CPLANE1: variants seen among roughly 807,000 people sequenced by gnomAD.
The protein encoded by CPLANE1 is ciliogenesis and planar polarity effector 1.
In CPLANE1, 263 loss-of-function variants were observed where a neutral mutation model predicts 362.5. That is an observed-to-expected ratio of 0.73 (90% CI 0.66 to 0.80). The LOEUF is 0.80. Ranked by LOEUF, CPLANE1 falls within the 30% of genes least tolerant of loss-of-function variation. The pLI is 0.00. For missense variants in CPLANE1, 3,461 were observed against 3,793.4 expected (o/e 0.91, Z 2.30); for synonymous variants, 1,212 against 1,302.6 (o/e 0.93, Z 1.50).
In CPLANE1 at chr5:37,120,404, T is replaced by C. The variant is rs1762304399; in HGVS notation, c.9186-64A>G. 10 of 1,436,486 alleles carry C rather than the reference T, an allele frequency of 7.0e-6. No homozygotes were observed. The South Asian group carries it at 1.2e-4, about 18-fold the overall frequency. The allele number at this position is 1,436,486 out of a possible 1,614,324, so 89.0% of individuals were successfully genotyped here. A position where few individuals can be genotyped will look rare whatever the true frequency, so the allele number is the denominator to read the frequency against. ...CTCATATCAGCGATAAACTTTAACA[T>C]TTCAAAAAGCCCAAATTAAGCTGGG... On this transcript the variant is annotated intron_variant, in intron 49 of 52. Coordinates refer to ENST00000651892, the MANE Select transcript of CPLANE1 (RefSeq NM_001384732.1).
chr5:37,206,073 A>G (rs933175567), intron 17 of CPLANE1, 124 bp downstream of exon 17: 5 of 699,916 alleles, frequency 7.1e-6, no homozygotes, highest in Non-Finnish European at 1.2e-5. Flanking sequence ...CTATCACTAA[A>G]GAACGTTCCA....
At chr5:37,089,493 G>C in the CPLANE1 span, among the ~76,000 whole-genome samples, 8 of 152,256 alleles carry the variant, frequency 5.3e-5, no homozygotes, top group East Asian at 1.4e-3. Flanking sequence ...GAGGGCCCAT[G>C]AATTAGTTGA....
chr5:37,084,848 C>T, the CPLANE1 span, among the ~76,000 whole-genome samples: 1 of 151,776 alleles, frequency 6.6e-6, no homozygotes, highest in Non-Finnish European at 1.5e-5. Flanking sequence ...AACCAATCAC[C>T]TGCTGCCTTC....
rs1781045964 is a variant in CPLANE1, at chr5:37,175,934, C to A, written c.5953G>T (p.Val1985Leu). ...CTAGAAATTTCTGAACTCGTATCTA[C>A]TTGCATTGATTGAGGAGTGGTATGC... ...PGHTTPQSMQ[V>L]DTSSEISSAQ... The change falls in exon 31 of 53, where the codon GTA becomes TTA. Residue 1985 changes from valine to leucine, a missense_variant. Val to Leu is a conservative substitution (Grantham distance 32). Transcript: ENST00000651892. 6.2e-7 allele frequency: 1 copy of A among 1,613,450 alleles called. No individual in the cohort carries two copies.
In CPLANE1 at chr5:37,232,294, G is replaced by C. The variant is rs1580944493; in HGVS notation, c.939-1245C>G. 2.0e-5 allele frequency among the ~76,000 whole-genome samples: 3 copies of C among 152,036 alleles called. No homozygotes were observed. The East Asian group carries it at 5.8e-4, about 29-fold the overall frequency. ...ACACTTTGGGAGGCCGAGGCAGGTGGATCACGAGGTCAGGAATTCAAGACC... is the reference window on the plus strand; with the variant it reads ...ACACTTTGGGAGGCCGAGGCAGGTGCATCACGAGGTCAGGAATTCAAGACC... On this transcript the variant is annotated intron_variant, in intron 8 of 52. Coordinates refer to ENST00000651892, the MANE Select transcript of CPLANE1 (RefSeq NM_001384732.1).
At position 37,178,230 on chromosome 5, in the gene CPLANE1, T is replaced by C. The variant is rs560006401; in HGVS notation, c.5821-530A>G. ...TTGCTTGAACCTGGGAGGTGGAAGC[T>C]GCAGTTAGCCAAGATCACACCACTG... On this transcript the variant is annotated intron_variant, in intron 29 of 52. Coordinates refer to ENST00000651892, the MANE Select transcript of CPLANE1 (RefSeq NM_001384732.1). 5.9e-5 allele frequency among the ~76,000 whole-genome samples: 9 copies of C among 151,716 alleles called. No homozygotes were observed. The South Asian group carries it at 8.3e-4, about 14-fold the overall frequency.
intron 46 of CPLANE1, chr5:37,130,403 G>A (rs1190764885): frequency 1.4e-5 from 3 of 212,482 alleles, no homozygotes; most frequent in South Asian, 1.6e-4. Flanking sequence ...TAAAAAAAAA[G>A]AACCTGCATG....
At chr5:37,153,646 C>G in intron 42 of CPLANE1, 94 bp downstream of exon 42, 1 of 1,301,184 alleles carries the variant, frequency 7.7e-7, no homozygotes, top group Non-Finnish European at 1.1e-6. Flanking sequence ...ACAAAGTTCT[C>G]ATTATTTTGA....
chr5:37,128,746 C>G (rs1431227141), intron 46 of CPLANE1, among the ~76,000 whole-genome samples: 3 of 151,888 alleles, frequency 2.0e-5, no homozygotes, highest in African/African-American at 7.3e-5. Context: ...GTAATCCCAG[C>G]TACTAGGGAG....
the CPLANE1 span, among the ~76,000 whole-genome samples, chr5:37,098,263 G>T: frequency 6.6e-6 from 1 of 151,558 alleles, no homozygotes; most frequent in South Asian, 2.1e-4. Context: ...ATGGTGGCAG[G>T]CACCTGTAAT....
the CPLANE1 span, among the ~76,000 whole-genome samples, chr5:37,094,072 T>C: frequency 1.3e-5 from 2 of 152,166 alleles, no homozygotes; most frequent in Non-Finnish European, 2.9e-5. Context: ...CTAATGGTGT[T>C]TACTTGAGAC....
Position 37,243,035 on chromosome 5 carries a change from C to T in CPLANE1, c.655G>A (p.Glu219Lys). Residue 219 changes from glutamate (E) to lysine (K), a missense_variant, in exon 6 of 53, where the codon GAG (glutamate) becomes AAG (lysine). Around this residue, in one of 2 missense-constraint regions of CPLANE1, gnomAD observed 3,380 missense variants for 3,666.1 expected, o/e 0.92. Coordinates refer to ENST00000651892, the MANE Select transcript of CPLANE1 (RefSeq NM_001384732.1). ...KLTFLAIRWHENVFTSVRSLP... is the reference protein window; with the variant it reads ...KLTFLAIRWHKNVFTSVRSLP... ...CACCTTACAGATGTAAATACATTCT[C>T]ATGCCACCGAATTGCTAGAAATGTT... The T allele has an allele frequency of 6.5e-7, 1 of 1,544,956 alleles. No individual in the cohort carries two copies. Among genetic ancestry groups the T allele is most frequent in the East Asian group, 2.5e-5 (1 of 40,596 alleles).
chr5:37,181,536 CT>C (rs1782655655), intron 26 of CPLANE1, among the ~76,000 whole-genome samples: 1 of 152,112 alleles, frequency 6.6e-6, no homozygotes, highest in African/African-American at 2.4e-5. Flanking sequence ...AAAAAAAGGA[CT>C]AGTGTGGTGG....
At chr5:37,186,424 G>T in intron 23 of CPLANE1, 30 bp from the exon 24 acceptor site, 1 of 949,388 alleles carries the variant, frequency 1.1e-6, no homozygotes, top group Non-Finnish European at 1.7e-6. Flanking sequence ...TAAGTTTTAT[G>T]AGAAACATCA....
At chr5:37,090,868 T>G in the CPLANE1 span, among the ~76,000 whole-genome samples, 11 of 152,224 alleles carry the variant, frequency 7.2e-5, no homozygotes, top group Non-Finnish European at 1.0e-4. Context: ...GAGCCCACCC[T>G]GTGTGCTCTT....
chr5:37,139,918 T>C (rs1769155662), intron 44 of CPLANE1: 2 of 985,332 alleles, frequency 2.0e-6, no homozygotes, highest in Non-Finnish European at 2.4e-6. Context: ...AACCCTTCTT[T>C]GCTTAGTACA....
At chr5:37,085,667 G>A in the CPLANE1 span, 1 of 1,087,104 alleles carries the variant, frequency 9.2e-7, no homozygotes, top group East Asian at 2.4e-5. Context: ...GAGGCACCCT[G>A]GATCTTTTGA....
At chr5:37,125,193 A>G (rs775127722) in intron 47 of CPLANE1, 51 bp downstream of exon 47, 1 of 1,523,460 alleles carries the variant, frequency 6.6e-7, no homozygotes, top group Non-Finnish European at 8.8e-7. Context: ...TTGCCAGGAA[A>G]GTAATTACAC....
chr5:37,165,737 T>G, intron 35 of CPLANE1, 66 bp from the exon 36 acceptor site: 1 of 1,442,966 alleles, frequency 6.9e-7, no homozygotes, highest in East Asian at 2.3e-5. Flanking sequence ...TCATTTATCA[T>G]GCTATATAGG....
Sources: allele counts gnomAD v4.1 joint callset (sites outside exome capture counted in the v4.1 genomes callset), GRCh38; gene constraint gnomAD v4.1.1; regional missense constraint gnomAD v4.1.1; transcripts MANE v1.5; gene names NCBI Gene and HGNC (gene_info 2026-07-23, HGNC 2026-07-21).